The following CELF2 variants were observed in gnomAD, a reference collection of about 807,000 sequenced individuals.
CELF2 encodes the protein CUGBP Elav-like family member 2, also known as CUG triplet repeat RNA-binding protein 2.
A neutral mutation model predicts 62.6 loss-of-function variants in CELF2; 8 were observed. That is an observed-to-expected ratio of 0.13 (90% confidence interval 0.07 to 0.23). CELF2 has a LOEUF of 0.23. Among genes scored for constraint, CELF2 ranks in the 10% least tolerant of loss-of-function variants. CELF2 has a pLI of 1.00. For missense variants in CELF2, 333 were observed against 671.0 expected (o/e 0.50, Z 5.56); for synonymous variants, 258 against 250.0 (o/e 1.03, Z -0.30).
intron 1 of CELF2, among the ~76,000 whole-genome samples, chr10:11,067,979 A>AGT (rs1224364849): frequency 5.9e-5 from 9 of 152,222 alleles, no homozygotes; most frequent in Non-Finnish European, 1.3e-4. Flanking sequence ...AGGATCACAC[A>AGT]GTAGGGGATG....
chr10:11,230,720 T>TA (rs1238300303), intron 3 of CELF2, among the ~76,000 whole-genome samples: 1 of 152,254 alleles, frequency 6.6e-6, no homozygotes, highest in Non-Finnish European at 1.5e-5. Context: ...GAGTGGGACT[T>TA]ACATAGAATT....
chr10:10,838,795 C>A (rs2058477854), intron 1 of CELF2, among the ~76,000 whole-genome samples: 1 of 152,014 alleles, frequency 6.6e-6, no homozygotes, highest in Non-Finnish European at 1.5e-5. Flanking sequence ...TTGTATTTTT[C>A]TTTCCCCTGT....
At chr10:10,773,174 G>C in the CELF2 span, among the ~76,000 whole-genome samples, 1 of 150,598 alleles carries the variant, frequency 6.6e-6, no homozygotes, top group Non-Finnish European at 1.5e-5. Context: ...AATATGAAAC[G>C]GGAGGGAAAA....
chr10:11,161,389 G>C (rs2065692352), intron 1 of CELF2, among the ~76,000 whole-genome samples: 1 of 152,166 alleles, frequency 6.6e-6, no homozygotes, highest in Admixed American at 6.5e-5. Context: ...CATGTGTCTG[G>C]GGCCTGCGAG....
intron 2 of CELF2, among the ~76,000 whole-genome samples, chr10:10,973,621 C>T (rs1291328683): frequency 6.6e-6 from 1 of 152,182 alleles, no homozygotes; most frequent in East Asian, 1.9e-4. Flanking sequence ...GGCTGGACTG[C>T]AGTAGCTCAG....
At chr10:10,545,020 G>A in the CELF2 span, among the ~76,000 whole-genome samples, 1 of 152,168 alleles carries the variant, frequency 6.6e-6, no homozygotes, top group Non-Finnish European at 1.5e-5. Flanking sequence ...CCTAATCACT[G>A]TAATACACAC....
At chr10:10,590,442 G>A in the CELF2 span, among the ~76,000 whole-genome samples, 1 of 152,182 alleles carries the variant, frequency 6.6e-6, no homozygotes, top group Non-Finnish European at 1.5e-5. Flanking sequence ...AGCCCCAACT[G>A]GAGAGTAAGT....
the CELF2 span, among the ~76,000 whole-genome samples, chr10:10,664,990 T>C: frequency 6.6e-6 from 1 of 152,208 alleles, no homozygotes; most frequent in Non-Finnish European, 1.5e-5. Flanking sequence ...CACTCAACAC[T>C]GTAGTACTGG....
At chr10:11,248,645 A>G (rs573688449) in intron 3 of CELF2, among the ~76,000 whole-genome samples, 1 of 152,374 alleles carries the variant, frequency 6.6e-6, no homozygotes, top group East Asian at 1.9e-4. Context: ...AATAATTTTT[A>G]TAATGATACA....
chr10:10,517,926 C>A, the CELF2 span, among the ~76,000 whole-genome samples: 5 of 152,216 alleles, frequency 3.3e-5, no homozygotes, highest in Non-Finnish European at 5.9e-5. Flanking sequence ...TCCAGCCTCC[C>A]ACACCTGGGG....
rs1470100558 is a variant in CELF2 at position 11,165,651 on chromosome 10, G to C, written c.240G>C (p.Arg80=). ...YGAVYQINVL[R]DRSQNPPQSK... Reference sequence around the variant, plus strand: ...CCGTCTACCAGATCAACGTCCTCCGGGACCGGAGTCAGAACCCTCCGCAGA... The same window carrying C: ...CCGTCTACCAGATCAACGTCCTCCGCGACCGGAGTCAGAACCCTCCGCAGA... Residue 80 remains arginine, a synonymous_variant, in exon 2 of 13, where the codon CGG becomes CGC. Coordinates refer to ENST00000633077, the MANE Select transcript of CELF2 (RefSeq NM_001326342.2). This position sits in a 1 kb window ranked among gnomAD's most constrained non-coding sequence, Gnocchi z 7.4. 6.2e-7 allele frequency: 1 copy of C among 1,613,974 alleles called. No homozygotes were observed.
At chr10:10,962,997 CTGTTTTGTTTTGTTTTGTTT>C (rs57417707) in intron 2 of CELF2, among the ~76,000 whole-genome samples, 5,619 of 142,690 alleles carry the variant, frequency 0.039, 141 homozygotes, top group Middle Eastern at 0.062. Context: ...TAAGGAAATT[CTGTTTTGTTTTGTTTTGTTT>C]TGTTTTGTTT....
the CELF2 span, among the ~76,000 whole-genome samples, chr10:10,626,807 G>A: frequency 2.2e-4 from 34 of 152,296 alleles, no homozygotes; most frequent in African/African-American, 7.2e-4. Flanking sequence ...CCTTAATCAC[G>A]TGTTTACAAT....
In CELF2 at chr10:11,008,739, G is replaced by T. The variant is rs182751987; in HGVS notation, c.53+3299G>T. Among the ~76,000 whole-genome samples, 8 of 152,294 alleles carry T rather than the reference G, an allele frequency of 5.3e-5. No homozygotes were observed. The East Asian group carries it at 1.4e-3, about 26-fold the overall frequency. On this transcript the variant is annotated intron_variant, in intron 1 of 12. Coordinates refer to the CELF2 transcript ENST00000416382. This position sits in a 1 kb window ranked among gnomAD's most constrained non-coding sequence, Gnocchi z 4.5. ...TGTATTTAAGGTGTCAGAATTCATA[G>T]ACGAAAAGCATACCTTGGTTTTGTC... is the stretch of plus-strand genomic sequence containing the variant.
At chr10:10,550,692 A>G in the CELF2 span, among the ~76,000 whole-genome samples, 2 of 150,888 alleles carry the variant, frequency 1.3e-5, no homozygotes, top group Non-Finnish European at 2.9e-5. Context: ...GGATTCTGTC[A>G]TGTGATGTCT....
intron 1 of CELF2, chr10:11,097,396 T>C (rs1564725515): frequency 6.6e-6 from 1 of 152,218 alleles, no homozygotes; most frequent in Non-Finnish European, 1.5e-5. Context: ...GTCAGAAGAT[T>C]GAAAAGTAAA....
intron 2 of CELF2, among the ~76,000 whole-genome samples, chr10:10,971,060 A>G (rs964368690): frequency 7.2e-5 from 11 of 151,980 alleles, no homozygotes; most frequent in African/African-American, 2.7e-4. Flanking sequence ...TTTTGGGTGT[A>G]CTCTGTTTTT....
the CELF2 span, among the ~76,000 whole-genome samples, chr10:10,473,152 T>C: frequency 6.6e-6 from 1 of 152,098 alleles, no homozygotes; most frequent in Admixed American, 6.6e-5. Flanking sequence ...TGCAGTTAGT[T>C]AAGATGAAAT....
chr10:10,464,587 T>G, the CELF2 span, among the ~76,000 whole-genome samples: 1 of 152,120 alleles, frequency 6.6e-6, no homozygotes, highest in Admixed American at 6.6e-5. Context: ...CCTTCTGGCT[T>G]AAAATAAGAA....
Sources: allele counts gnomAD v4.1 joint callset (sites outside exome capture counted in the v4.1 genomes callset), GRCh38; gene constraint gnomAD v4.1.1; non-coding constraint Gnocchi (gnomAD v3.1); transcripts MANE v1.5; gene names NCBI Gene and HGNC (gene_info 2026-07-23, HGNC 2026-07-21).